Variants in ENOX1 observed in about 807,000 individuals in gnomAD.
The protein encoded by ENOX1 is candidate growth-related and time keeping constitutive hydroquinone (NADH) oxidase.
ENOX1 carries 42 observed loss-of-function variants against 82.5 expected under a neutral mutation model. The observed-to-expected ratio is 0.51, with a 90% confidence interval of 0.40 to 0.66. The LOEUF (loss-of-function observed/expected upper bound fraction) is 0.66, where lower values mean the gene tolerates loss of function less well. Among genes scored for constraint, ENOX1 ranks in the 30% least tolerant of loss-of-function variants. The pLI, the probability that ENOX1 is intolerant of heterozygous loss-of-function variation, is 0.00. For missense variants in ENOX1, 608 were observed against 811.6 expected (o/e 0.75, Z 3.05); for synonymous variants, 271 against 282.2 (o/e 0.96, Z 0.40).
chr13:43,259,636 C>T (rs1027378532), intron 14 of ENOX1, among the ~76,000 whole-genome samples: 4 of 152,068 alleles, frequency 2.6e-5, no homozygotes, highest in African/African-American at 9.7e-5. Flanking sequence ...CCACTATGCC[C>T]AGCTAATTTT....
At chr13:43,469,087 CTG>C (rs1004970355) in intron 3 of ENOX1, among the ~76,000 whole-genome samples, 1 of 152,098 alleles carries the variant, frequency 6.6e-6, no homozygotes, top group African/African-American at 2.4e-5. Flanking sequence ...TCACTAATAA[CTG>C]TAATGTTAGT....
At chr13:43,749,798 AT>A (rs1950217448) in intron 1 of ENOX1, among the ~76,000 whole-genome samples, 1 of 152,238 alleles carries the variant, frequency 6.6e-6, no homozygotes, top group South Asian at 2.1e-4. Context: ...CAGCAAAACT[AT>A]GAAGCATGTA....
At chr13:43,457,502 G>A (rs2057287224) in intron 3 of ENOX1, among the ~76,000 whole-genome samples, 1 of 151,952 alleles carries the variant, frequency 6.6e-6, no homozygotes, top group African/African-American at 2.4e-5. Flanking sequence ...TAAGGAGGAG[G>A]GAAGAAAGAA....
At chr13:43,598,571 G>C (rs550116094) in intron 2 of ENOX1, among the ~76,000 whole-genome samples, 1 of 152,236 alleles carries the variant, frequency 6.6e-6, no homozygotes, top group East Asian at 1.9e-4. Context: ...AAGACACAAG[G>C]ATTGCCAGTG....
intron 2 of ENOX1, among the ~76,000 whole-genome samples, chr13:43,652,234 C>T (rs2084224567): frequency 1.3e-5 from 2 of 152,120 alleles, no homozygotes; most frequent in Admixed American, 1.3e-4. Flanking sequence ...CTGGCAGATC[C>T]AGCCATCTCC....
At chr13:43,659,756 T>C (rs2084629651) in intron 2 of ENOX1, among the ~76,000 whole-genome samples, 1 of 152,156 alleles carries the variant, frequency 6.6e-6, no homozygotes, top group African/African-American at 2.4e-5. Flanking sequence ...CCTTGAGTTC[T>C]ATTTTTAGGT....
chr13:43,762,017 G>A (rs981491148), intron 1 of ENOX1, among the ~76,000 whole-genome samples: 3 of 152,160 alleles, frequency 2.0e-5, no homozygotes, highest in African/African-American at 7.2e-5. Flanking sequence ...AAGGAGAAGG[G>A]TAATGTTTAA....
intron 2 of ENOX1, among the ~76,000 whole-genome samples, chr13:43,538,571 CT>C (rs1372426153): frequency 6.6e-6 from 1 of 152,062 alleles, no homozygotes; most frequent in Non-Finnish European, 1.5e-5. Context: ...TCTTGTGCCC[CT>C]GGTTTAATTC....
intron 8 of ENOX1, among the ~76,000 whole-genome samples, chr13:43,347,085 C>T (rs890291254): frequency 6.6e-6 from 1 of 152,162 alleles, no homozygotes; most frequent in East Asian, 1.9e-4. Context: ...CTTGTGGTCG[C>T]TTAGTTCATA....
At chr13:43,459,782 AG>A (rs1248383330) in intron 3 of ENOX1, among the ~76,000 whole-genome samples, 1 of 152,214 alleles carries the variant, frequency 6.6e-6, no homozygotes, top group African/African-American at 2.4e-5. Flanking sequence ...TCACGAGGTC[AG>A]GAGTCTGAGG....
chr13:43,455,736 G>C (rs2057196327), intron 3 of ENOX1, among the ~76,000 whole-genome samples: 1 of 152,218 alleles, frequency 6.6e-6, no homozygotes, highest in East Asian at 1.9e-4. Context: ...TTGAATCATG[G>C]GGGGTGGTTT....
At chr13:43,326,321 T>G in intron 10 of ENOX1, 98 bp downstream of exon 10, 5 of 943,680 alleles carry the variant, frequency 5.3e-6, no homozygotes. Context: ...GCAGGCGGAC[T>G]GCCCACTATA....
chr13:43,340,059 C>G (rs1410636030), intron 9 of ENOX1, among the ~76,000 whole-genome samples: 1 of 152,202 alleles, frequency 6.6e-6, no homozygotes, highest in African/African-American at 2.4e-5. Flanking sequence ...ACAAACATAG[C>G]TCCACTAGAG....
chr13:43,354,256 C>T (rs935546304), intron 8 of ENOX1, among the ~76,000 whole-genome samples: 2 of 152,226 alleles, frequency 1.3e-5, no homozygotes, highest in African/African-American at 4.8e-5. Flanking sequence ...TGTATCTGCA[C>T]TGCATATGCC....
chr13:43,263,527 C>T (rs1354590982), intron 14 of ENOX1, among the ~76,000 whole-genome samples: 1 of 152,212 alleles, frequency 6.6e-6, no homozygotes, highest in Non-Finnish European at 1.5e-5. Flanking sequence ...TAATAAGTGA[C>T]TTTTAAAATT....
intron 3 of ENOX1, among the ~76,000 whole-genome samples, chr13:43,455,278 C>G (rs1007543696): frequency 6.6e-6 from 1 of 152,132 alleles, no homozygotes; most frequent in Admixed American, 6.5e-5. Flanking sequence ...GTATTGCAGT[C>G]TCAGGCCACT....
intron 2 of ENOX1, among the ~76,000 whole-genome samples, chr13:43,497,186 AT>A (rs1359829985): frequency 6.6e-6 from 1 of 152,226 alleles, no homozygotes. Flanking sequence ...TTTCTATACA[AT>A]TTTTTAAGTA....
rs139655644 is a variant in ENOX1 at position 43,731,368 on chromosome 13, T to C, written c.-285+55284A>G. On this transcript the variant is annotated intron_variant, in intron 1 of 16. Coordinates refer to ENST00000690772, the MANE Select transcript of ENOX1 (RefSeq NM_001347969.2). ...TGCCTCAGTTCTCTGCCACTTTCCA[T>C]GGGAAGAGCTTTGTATAGTAAATGA... Among the ~76,000 whole-genome samples, 445 of 152,338 alleles carry C rather than the reference T, an allele frequency of 2.9e-3. 3 individuals are homozygous for C. The highest frequency in any genetic ancestry group is 0.01 in the African/African-American group (428 of 41,574).
chr13:43,682,451 T>G (rs2085839403), intron 1 of ENOX1, among the ~76,000 whole-genome samples: 1 of 152,194 alleles, frequency 6.6e-6, no homozygotes, highest in Admixed American at 6.5e-5. Context: ...GTAAGTATTA[T>G]TTACATGGAT....
Sources: allele counts gnomAD v4.1 joint callset (sites outside exome capture counted in the v4.1 genomes callset), GRCh38; gene constraint gnomAD v4.1.1; transcripts MANE v1.5; gene names NCBI Gene and HGNC (gene_info 2026-07-23, HGNC 2026-07-21).